NRXN1: variants seen among roughly 807,000 people sequenced by gnomAD.
NRXN1 encodes neurexin-1.
Under a neutral mutation model 150.9 loss-of-function variants are expected in NRXN1, and 39 were observed. That is an observed-to-expected ratio of 0.26 (90% CI 0.20 to 0.34). The LOEUF (loss-of-function observed/expected upper bound fraction) is 0.34, where lower values mean the gene tolerates loss of function less well. Among genes scored for constraint, NRXN1 ranks in the 10% least tolerant of loss-of-function variants. The pLI, the probability that NRXN1 is intolerant of heterozygous loss-of-function variation, is 1.00. For synonymous variants in NRXN1, 924 were observed against 757.0 expected (o/e 1.22, Z -3.62); for missense variants, 1,815 against 1,949.9 (o/e 0.93, Z 1.30).
intron 2 of NRXN1, among the ~76,000 whole-genome samples, chr2:51,013,613 T>A (rs1668233475): frequency 6.6e-6 from 1 of 151,956 alleles, no homozygotes; most frequent in African/African-American, 2.4e-5. Flanking sequence ...ATTTCAAATG[T>A]TACTTAGTCC....
At chr2:50,510,742 G>A (rs1558858146) in intron 12 of NRXN1, among the ~76,000 whole-genome samples, 1 of 152,174 alleles carries the variant, frequency 6.6e-6, no homozygotes, top group African/African-American at 2.4e-5. Context: ...AAGAAGTAGA[G>A]AGAAGACTGA....
chr2:50,721,162 A>T (rs528341436), intron 5 of NRXN1, among the ~76,000 whole-genome samples: 4 of 152,070 alleles, frequency 2.6e-5, no homozygotes, highest in Non-Finnish European at 5.9e-5. Context: ...GCTTCCAAGG[A>T]CAGCTCACAT....
chr2:50,252,688 A>G (rs2152900829), intron 17 of NRXN1, among the ~76,000 whole-genome samples: 1 of 152,236 alleles, frequency 6.6e-6, no homozygotes. Context: ...TCCTTTCCCC[A>G]TTGCATCTTT....
chr2:50,333,119 T>C (rs1464165934), intron 17 of NRXN1, among the ~76,000 whole-genome samples: 5 of 152,284 alleles, frequency 3.3e-5, no homozygotes, highest in South Asian at 2.1e-4. Context: ...TGCAGAATCA[T>C]TGATCTCCTT....
intron 17 of NRXN1, among the ~76,000 whole-genome samples, chr2:50,388,120 C>T (rs2081444090): frequency 6.6e-6 from 1 of 152,082 alleles, no homozygotes; most frequent in Non-Finnish European, 1.5e-5. Flanking sequence ...TGGAGAAGAA[C>T]CAACTATACC....
chr2:50,030,294 C>T (rs995510137), intron 21 of NRXN1, among the ~76,000 whole-genome samples: 1 of 152,038 alleles, frequency 6.6e-6, no homozygotes, highest in Non-Finnish European at 1.5e-5. Context: ...CCTTAAAAGC[C>T]TCTGGCCAGT....
At chr2:50,136,932 A>C (rs983855537) in intron 18 of NRXN1, among the ~76,000 whole-genome samples, 6 of 152,218 alleles carry the variant, frequency 3.9e-5, no homozygotes, top group Admixed American at 3.9e-4. Context: ...CTAATGAATC[A>C]GTCCCTTTAA....
intron 17 of NRXN1, among the ~76,000 whole-genome samples, chr2:50,265,250 C>T (rs774656177): frequency 1.5e-4 from 22 of 151,690 alleles, no homozygotes; most frequent in African/African-American, 3.4e-4. Context: ...CAACAAACAC[C>T]GAAAAAAAAT....
intron 5 of NRXN1, among the ~76,000 whole-genome samples, chr2:50,762,126 C>T (rs981235000): frequency 8.6e-5 from 12 of 139,522 alleles, no homozygotes; most frequent in Non-Finnish European, 9.3e-5. Flanking sequence ...TGTGTATACA[C>T]ACACACACAC....
chr2:50,836,592 TA>T (rs1308941216), intron 5 of NRXN1, among the ~76,000 whole-genome samples: 1 of 152,106 alleles, frequency 6.6e-6, no homozygotes, highest in Non-Finnish European at 1.5e-5. Flanking sequence ...ACACCTAGCT[TA>T]TTTCACTTAG....
rs780311269 is a variant in NRXN1, at chr2:50,925,944, C to A, written c.784G>T (p.Val262Leu). ...TAAGGTAGAAAGCACCCACCTTCCA[C>A]ATTGTTGTCTTCTGAAAGCACATGA... ...GKDCSQEDNN[V>L]EGLAHLMMGD... is the part of the protein sequence containing the mutation. Residue 262 changes from valine (V) to leucine (L), a missense_variant, in exon 3 of 23, where the codon GTG (valine) becomes TTG (leucine). This residue lies in a region of NRXN1 where 554 missense variants were observed against 478.8 expected (regional missense o/e 1.16). Coordinates refer to ENST00000401669, the MANE Select transcript of NRXN1 (RefSeq NM_001330078.2). 2 of 1,574,590 alleles carry A rather than the reference C, an allele frequency of 1.3e-6. No individual in the cohort carries two copies. Among genetic ancestry groups the A allele is most frequent in the South Asian group, 1.2e-5 (1 of 85,628 alleles).
At chr2:50,230,521 G>C (rs773680412) in intron 18 of NRXN1, among the ~76,000 whole-genome samples, 5 of 151,954 alleles carry the variant, frequency 3.3e-5, no homozygotes, top group Non-Finnish European at 5.9e-5. Context: ...ATATAAAATG[G>C]ATAGAAAAGT....
intron 5 of NRXN1, among the ~76,000 whole-genome samples, chr2:50,860,977 T>A (rs979232043): frequency 1.3e-5 from 2 of 152,120 alleles, no homozygotes; most frequent in Non-Finnish European, 2.9e-5. Context: ...CTTGACATGT[T>A]ATAAGCAATA....
chr2:50,644,008 T>G (rs971600667), intron 5 of NRXN1, among the ~76,000 whole-genome samples: 8 of 151,536 alleles, frequency 5.3e-5, no homozygotes, highest in South Asian at 2.1e-4. Flanking sequence ...AAGTTGTTGG[T>G]TTTTTTTGTT....
intron 18 of NRXN1, among the ~76,000 whole-genome samples, chr2:50,118,141 C>T (rs928996212): frequency 6.6e-6 from 1 of 152,070 alleles, no homozygotes; most frequent in Admixed American, 6.6e-5. Flanking sequence ...AGAATGTGTC[C>T]GTTAGTAAGA....
chr2:50,078,933 C>T (rs529824465), intron 19 of NRXN1, among the ~76,000 whole-genome samples: 24 of 152,134 alleles, frequency 1.6e-4, no homozygotes, highest in South Asian at 6.2e-4. Context: ...CTTTTTCGCA[C>T]TTATTTTGGT....
chr2:50,518,377 A>G (rs1487909739), intron 12 of NRXN1, among the ~76,000 whole-genome samples: 1 of 152,046 alleles, frequency 6.6e-6, no homozygotes, highest in Admixed American at 6.6e-5. Flanking sequence ...CAGGACAGCT[A>G]GCAGATATAA....
intron 5 of NRXN1, among the ~76,000 whole-genome samples, chr2:50,788,125 C>T (rs1453881168): frequency 4.0e-5 from 6 of 150,234 alleles, no homozygotes; most frequent in African/African-American, 1.2e-4. Context: ...CTTGCTCTGT[C>T]GCCCAGGCTG....
At chr2:50,135,210 C>T (rs1316930028) in intron 18 of NRXN1, among the ~76,000 whole-genome samples, 1 of 152,150 alleles carries the variant, frequency 6.6e-6, no homozygotes, top group Non-Finnish European at 1.5e-5. Context: ...TATTGAGGCA[C>T]TCTACTAGAT....
Sources: allele counts gnomAD v4.1 joint callset (sites outside exome capture counted in the v4.1 genomes callset), GRCh38; gene constraint gnomAD v4.1.1; regional missense constraint gnomAD v4.1.1; transcripts MANE v1.5; gene names NCBI Gene and HGNC (gene_info 2026-07-23, HGNC 2026-07-21).